Variants in SMYD3 observed in about 807,000 individuals in gnomAD.
SMYD3 encodes the protein histone-lysine N-methyltransferase SMYD3.
In SMYD3, 36 loss-of-function variants were observed where a neutral mutation model predicts 57.7. The observed-to-expected ratio is 0.62, with a 90% CI of 0.48 to 0.82. SMYD3 has a LOEUF of 0.82. Among genes scored for constraint, SMYD3 ranks in the 40% least tolerant of loss-of-function variants. The pLI, the probability that SMYD3 is intolerant of heterozygous loss-of-function variation, is 0.00. For missense variants in SMYD3, 515 were observed against 538.8 expected (o/e 0.96, Z 0.44); for synonymous variants, 211 against 195.0 (o/e 1.08, Z -0.68).
chr1:246,096,747 T>C (rs1425687278), intron 5 of SMYD3, among the ~76,000 whole-genome samples: 1 of 152,220 alleles, frequency 6.6e-6, no homozygotes, highest in Admixed American at 6.5e-5. Flanking sequence ...TTGCAAATGG[T>C]TATGATTGTA....
chr1:246,217,953 A>G (rs1426463429), intron 5 of SMYD3, among the ~76,000 whole-genome samples: 3 of 152,178 alleles, frequency 2.0e-5, no homozygotes, highest in Non-Finnish European at 4.4e-5. Flanking sequence ...ACTCCTGTAC[A>G]TGTTCAATGG....
intron 5 of SMYD3, among the ~76,000 whole-genome samples, chr1:246,317,915 C>T (rs2065191295): frequency 6.6e-6 from 1 of 152,010 alleles, no homozygotes; most frequent in Non-Finnish European, 1.5e-5. Flanking sequence ...AAATGTTCTT[C>T]AAACCTGGAA....
chr1:246,408,977 TA>T (rs984403116), intron 1 of SMYD3, among the ~76,000 whole-genome samples: 1 of 152,114 alleles, frequency 6.6e-6, no homozygotes, highest in Non-Finnish European at 1.5e-5. Flanking sequence ...GCCAAGTCTT[TA>T]AAGTATAAAA....
At chr1:246,226,583 A>G (rs1181444716) in intron 5 of SMYD3, among the ~76,000 whole-genome samples, 2 of 152,212 alleles carry the variant, frequency 1.3e-5, no homozygotes, top group Non-Finnish European at 2.9e-5. Context: ...AGCGTCTGCC[A>G]CCATTTGTGT....
intron 1 of SMYD3, among the ~76,000 whole-genome samples, chr1:246,501,626 T>C (rs2068455920): frequency 6.6e-6 from 1 of 152,170 alleles, no homozygotes; most frequent in Non-Finnish European, 1.5e-5. Context: ...TGAGAAACCA[T>C]GATCCACAAT....
intron 1 of SMYD3, among the ~76,000 whole-genome samples, chr1:246,414,209 C>T (rs1269194843): frequency 6.6e-6 from 1 of 152,184 alleles, no homozygotes; most frequent in African/African-American, 2.4e-5. Context: ...AGAGAGAGAC[C>T]ACCAGGGCTG....
At chr1:245,949,821 ACCCACCCCC>A (rs1224126236) in intron 5 of SMYD3, among the ~76,000 whole-genome samples, 1 of 62,514 alleles carries the variant, frequency 1.6e-5, no homozygotes, top group Non-Finnish European at 4.6e-5. Context: ...AAAAAAAGAA[ACCCACCCCC>A]CCCACCCCCA....
At chr1:246,264,932 G>A (rs534304123) in intron 5 of SMYD3, among the ~76,000 whole-genome samples, 2 of 152,250 alleles carry the variant, frequency 1.3e-5, no homozygotes, top group South Asian at 4.2e-4. Context: ...GTCTTATTAC[G>A]AGATGAACAA....
chr1:245,765,401 A>C (rs1335789189), intron 10 of SMYD3, among the ~76,000 whole-genome samples: 1 of 151,526 alleles, frequency 6.6e-6, no homozygotes, highest in Non-Finnish European at 1.5e-5. Context: ...AAAAAAAAAA[A>C]GTTTTTTCCT....
chr1:246,453,700 A>G (rs1453660976), intron 1 of SMYD3, among the ~76,000 whole-genome samples: 1 of 152,210 alleles, frequency 6.6e-6, no homozygotes, highest in Admixed American at 6.5e-5. Flanking sequence ...AAAAAGGCCC[A>G]CCGTTTCGCC....
chr1:246,407,117 A>G (rs183188483), intron 1 of SMYD3, among the ~76,000 whole-genome samples: 9 of 152,276 alleles, frequency 5.9e-5, no homozygotes, highest in African/African-American at 1.9e-4. Context: ...GGGTACCATC[A>G]CTCTGAAGGA....
intron 10 of SMYD3, among the ~76,000 whole-genome samples, chr1:245,777,652 A>T (rs999183131): frequency 5.3e-5 from 8 of 152,188 alleles, no homozygotes; most frequent in African/African-American, 1.9e-4. Flanking sequence ...CACACAAGTG[A>T]CCAGCAGAGT....
chr1:246,046,727 CTTTA>C (rs1389503127), intron 5 of SMYD3, among the ~76,000 whole-genome samples: 2 of 149,224 alleles, frequency 1.3e-5, no homozygotes, highest in South Asian at 2.1e-4. Context: ...AGCAGGTGAT[CTTTA>C]TTTACAGATA....
chr1:246,451,793 C>A (rs1451839307), intron 1 of SMYD3, among the ~76,000 whole-genome samples: 3 of 152,348 alleles, frequency 2.0e-5, no homozygotes, highest in East Asian at 3.9e-4. Flanking sequence ...GTTAAAACTA[C>A]TCTAAAAAGT....
intron 5 of SMYD3, among the ~76,000 whole-genome samples, chr1:246,227,564 G>A (rs968385341): frequency 6.6e-6 from 1 of 152,026 alleles, no homozygotes; most frequent in African/African-American, 2.4e-5. Flanking sequence ...GCAGTGAGCT[G>A]AGATTGCACA....
intron 7 of SMYD3, among the ~76,000 whole-genome samples, chr1:245,919,637 A>G (rs1353229023): frequency 6.6e-6 from 1 of 152,244 alleles, no homozygotes; most frequent in Non-Finnish European, 1.5e-5. Flanking sequence ...ACTAACTGGT[A>G]ATGACAGCTA....
At chr1:245,826,129 A>G (rs760935408) in intron 10 of SMYD3, among the ~76,000 whole-genome samples, 15 of 151,204 alleles carry the variant, frequency 9.9e-5, no homozygotes, top group Non-Finnish European at 2.2e-4. Flanking sequence ...GTATATTCAC[A>G]CTGTTGTATA....
intron 1 of SMYD3, among the ~76,000 whole-genome samples, chr1:246,367,390 A>G (rs761751519): frequency 5.9e-5 from 9 of 152,220 alleles, no homozygotes; most frequent in Non-Finnish European, 1.2e-4. Flanking sequence ...TTTGAAGATG[A>G]CAGAAATTGT....
At chr1:245,989,749 GGGTAT>G (rs1321767214) in intron 5 of SMYD3, among the ~76,000 whole-genome samples, 2 of 152,212 alleles carry the variant, frequency 1.3e-5, no homozygotes, top group African/African-American at 4.8e-5. Flanking sequence ...AGGCCAACTT[GGGTAT>G]GGTAGGGTTT....
Sources: gnomAD v4.1 joint callset for allele counts (sites outside exome capture counted in the v4.1 genomes callset) on GRCh38, gnomAD v4.1.1 for gene constraint, MANE v1.5 for transcripts, NCBI Gene and HGNC (gene_info 2026-07-23, HGNC 2026-07-21) for gene names.